The following ABTB3 variants were observed in gnomAD, a reference collection of about 807,000 sequenced individuals.
The protein encoded by ABTB3 is ankyrin repeat- and BTB/POZ domain-containing protein 3.
At chr12:107,488,173 C>A in the ABTB3 span, among the ~76,000 whole-genome samples, 15 of 152,034 alleles carry the variant, frequency 9.9e-5, no homozygotes, top group African/African-American at 2.7e-4. Context: ...AGAGTCAGAC[C>A]TGGGCTCAGT....
chr12:107,376,861 G>T, the ABTB3 span, among the ~76,000 whole-genome samples: 3 of 152,174 alleles, frequency 2.0e-5, no homozygotes, highest in Non-Finnish European at 4.4e-5. Context: ...CAGCCCTGTT[G>T]TTCAGGTGAG....
the ABTB3 span, among the ~76,000 whole-genome samples, chr12:107,519,376 G>A: frequency 6.8e-6 from 1 of 146,870 alleles, no homozygotes; most frequent in Non-Finnish European, 1.5e-5. Flanking sequence ...AGGCTGGAGT[G>A]TGGTAGCACA....
the ABTB3 span, among the ~76,000 whole-genome samples, chr12:107,609,721 GTAGA>G: frequency 9.8e-5 from 15 of 152,312 alleles, no homozygotes; most frequent in South Asian, 4.1e-4. Context: ...CAGGGGGACG[GTAGA>G]TAAACAGGCC....
the ABTB3 span, chr12:107,635,169 T>G: frequency 4.8e-6 from 4 of 827,060 alleles, no homozygotes; most frequent in Non-Finnish European, 7.7e-6. Context: ...ATTTCTCCTG[T>G]GGCCTGCAGT....
At chr12:107,657,388 A>G in the ABTB3 span, 1 of 845,798 alleles carries the variant, frequency 1.2e-6, no homozygotes. Context: ...CTGGGGAATC[A>G]GAGACATTCT....
the ABTB3 span, among the ~76,000 whole-genome samples, chr12:107,508,444 T>TTCTTTTTTTG: frequency 1.3e-5 from 1 of 76,884 alleles, no homozygotes; most frequent in Non-Finnish European, 2.5e-5. Context: ...ATTTCTTTTT[T>TTCTTTTTTTG]TTTTTTTTTT....
the ABTB3 span, among the ~76,000 whole-genome samples, chr12:107,532,031 C>T: frequency 6.6e-6 from 1 of 152,194 alleles, no homozygotes; most frequent in African/African-American, 2.4e-5. Context: ...GCACACACTC[C>T]CCAGTACCTG....
chr12:107,427,245 G>A, the ABTB3 span, among the ~76,000 whole-genome samples: 2 of 151,566 alleles, frequency 1.3e-5, no homozygotes, highest in Non-Finnish European at 2.9e-5. Context: ...CCATCATCAC[G>A]TTGCCTTCTC....
At chr12:107,629,182 C>T in the ABTB3 span, among the ~76,000 whole-genome samples, 3 of 152,030 alleles carry the variant, frequency 2.0e-5, no homozygotes, top group South Asian at 2.1e-4. Context: ...TTTGAGAGGC[C>T]GAGGCAGGAG....
chr12:107,359,299 A>G, the ABTB3 span, among the ~76,000 whole-genome samples: 1 of 152,338 alleles, frequency 6.6e-6, no homozygotes, highest in Non-Finnish European at 1.5e-5. Context: ...CTTATTTCAC[A>G]GATGAGAAGA....
the ABTB3 span, chr12:107,612,648 A>G: frequency 7.8e-6 from 7 of 896,012 alleles, no homozygotes; most frequent in Non-Finnish European, 1.2e-5. Context: ...ACAGGGCTGC[A>G]CGTTTATTTT....
the ABTB3 span, chr12:107,544,223 G>C: frequency 7.1e-7 from 1 of 1,405,918 alleles, no homozygotes; most frequent in Non-Finnish European, 9.7e-7. Context: ...AGGATGATGG[G>C]GGTAGAAAGG....
the ABTB3 span, chr12:107,610,082 AT>A: frequency 3.0e-6 from 4 of 1,350,136 alleles, no homozygotes; most frequent in Non-Finnish European, 4.2e-6. Flanking sequence ...GGAACAGGCA[AT>A]TTACATGAAA....
At chr12:107,462,698 A>G in the ABTB3 span, among the ~76,000 whole-genome samples, 80 of 151,782 alleles carry the variant, frequency 5.3e-4, 1 homozygote, top group Admixed American at 4.8e-3. Flanking sequence ...GATGGTGATG[A>G]TGGTGGTGGT....
the ABTB3 span, among the ~76,000 whole-genome samples, chr12:107,323,159 T>C: frequency 4.6e-5 from 7 of 152,208 alleles, no homozygotes. Context: ...GTTATTGTTG[T>C]TCTAAAGAAG....
At chr12:107,642,161 C>T in the ABTB3 span, 1 of 1,614,004 alleles carries the variant, frequency 6.2e-7, no homozygotes, top group Non-Finnish European at 8.5e-7. Flanking sequence ...GTGAAATACT[C>T]CATCTTTCAG....
chr12:107,503,755 T>TAAAAAAAAAAA, the ABTB3 span, among the ~76,000 whole-genome samples: 2 of 26,528 alleles, frequency 7.5e-5, no homozygotes, highest in Admixed American at 5.9e-4. Context: ...AGACCCTATC[T>TAAAAAAAAAAA]CAAAAAAAAA....
chr12:107,643,218 C>G, the ABTB3 span, among the ~76,000 whole-genome samples: 4 of 151,924 alleles, frequency 2.6e-5, no homozygotes, highest in Non-Finnish European at 5.9e-5. Flanking sequence ...CCAGCCTGAG[C>G]AACATGGCAA....
At chr12:107,401,834 T>C in the ABTB3 span, among the ~76,000 whole-genome samples, 4 of 152,050 alleles carry the variant, frequency 2.6e-5, no homozygotes, top group African/African-American at 7.2e-5. Context: ...AAGGAATCTT[T>C]TTCATTTTAA....
Sources: allele counts gnomAD v4.1 joint callset (sites outside exome capture counted in the v4.1 genomes callset), GRCh38; gene constraint gnomAD v4.1.1; transcripts MANE v1.5; gene names NCBI Gene and HGNC (gene_info 2026-07-23, HGNC 2026-07-21).